The following QRFPR variants were observed in gnomAD, a reference collection of about 807,000 sequenced individuals.
The protein encoded by QRFPR is pyroglutamylated RF-amide peptide receptor.
QRFPR carries 37 observed loss-of-function variants against 31.3 expected under a neutral mutation model. The observed-to-expected ratio is 1.18, with a 90% CI of 0.91 to 1.56. QRFPR has a LOEUF of 1.56. Among genes scored for constraint, QRFPR ranks in the 40% most tolerant of loss-of-function variants. The pLI is 0.00. For missense variants in QRFPR, 542 were observed against 532.5 expected (o/e 1.02, Z -0.18); for synonymous variants, 197 against 192.0 (o/e 1.03, Z -0.22).
In QRFPR at chr4:121,342,117, C is replaced by G. The variant is rs181907511; in HGVS notation, c.341-1507G>C. On this transcript the variant is annotated intron_variant, in intron 1 of 5. Coordinates refer to ENST00000394427, the MANE Select transcript of QRFPR (RefSeq NM_198179.3). ...CTAGTGTGGTTGGGCAGCGTCCAAT[C>G]CACTGAAGGCGCGAATAGAACACAA... 1.2e-4 allele frequency among the ~76,000 whole-genome samples: 19 copies of G among 152,302 alleles called. No individual in the cohort carries two copies. The East Asian group carries it at 3.5e-3, about 28-fold the overall frequency.
At chr4:121,355,515 C>T (rs1468947383) in intron 1 of QRFPR, among the ~76,000 whole-genome samples, 1 of 151,862 alleles carries the variant, frequency 6.6e-6, no homozygotes, top group Non-Finnish European at 1.5e-5. Context: ...AACAACTTTT[C>T]CTTTCATTGA....
At chr4:121,331,082 A>G (rs1054028931) in intron 4 of QRFPR, among the ~76,000 whole-genome samples, 1 of 151,738 alleles carries the variant, frequency 6.6e-6, no homozygotes, top group Admixed American at 6.6e-5. Flanking sequence ...CCTAGGCAAC[A>G]TGGCAAAAAC....
At chr4:121,335,104 C>T (rs1267232546) in intron 3 of QRFPR, among the ~76,000 whole-genome samples, 1 of 152,136 alleles carries the variant, frequency 6.6e-6, no homozygotes, top group Non-Finnish European at 1.5e-5. Flanking sequence ...ATCTATTTGA[C>T]AGTGAGGACT....
chr4:121,380,275 AGAAGGAGC>A (rs758943484), intron 1 of QRFPR, 25 bp downstream of exon 1: 50 of 1,518,386 alleles, frequency 3.3e-5, no homozygotes, highest in Non-Finnish European at 4.4e-5. Flanking sequence ...GGGTTAAGAG[AGAAGGAGC>A]GAAGGAGCGG....
chr4:121,347,721 T>G (rs62319040), intron 1 of QRFPR, among the ~76,000 whole-genome samples: 43,029 of 151,936 alleles, frequency 0.28, 6,505 homozygotes, highest in Middle Eastern at 0.38. Flanking sequence ...CTTTTATCTA[T>G]AACTTTACAT....
At chr4:121,358,677 T>C (rs1279168458) in intron 1 of QRFPR, among the ~76,000 whole-genome samples, 3 of 152,224 alleles carry the variant, frequency 2.0e-5, no homozygotes, top group Non-Finnish European at 4.4e-5. Context: ...TTGTGGTGTT[T>C]TGCAACAGCA....
At chr4:121,341,957 C>T (rs1725550960) in intron 1 of QRFPR, among the ~76,000 whole-genome samples, 1 of 152,278 alleles carries the variant, frequency 6.6e-6, no homozygotes. Flanking sequence ...TGATGGTTAA[C>T]TCTATGTGTC....
In QRFPR at chr4:121,340,514, C is replaced by A. The variant is rs200911686; in HGVS notation, c.437G>T (p.Gly146Val). Residue 146 changes from glycine to valine, a missense_variant, in exon 2 of 6, where the codon GGA becomes GTA. Gly to Val is a moderately radical substitution (Grantham distance 109). Coordinates refer to ENST00000394427, the MANE Select transcript of QRFPR (RefSeq NM_198179.3). ...MTCIAVERHQGLVHPFKMKWQ... is the reference protein window; with the variant it reads ...MTCIAVERHQVLVHPFKMKWQ... ...CTTCATTTTAAAAGGATGCACAAGT[C>A]CCTGGTGCCTTTCCACAGCAATGCA... The A allele has an allele frequency of 3.1e-5, 50 of 1,614,008 alleles. No individual in the cohort carries two copies. The highest frequency in any genetic ancestry group is 4.1e-5 in the Non-Finnish European group (48 of 1,179,942).
chr4:121,376,196 A>G (rs1425163096), intron 1 of QRFPR, among the ~76,000 whole-genome samples: 2 of 152,184 alleles, frequency 1.3e-5, no homozygotes, highest in African/African-American at 4.8e-5. Flanking sequence ...AACATGTGCC[A>G]TTTATAATAT....
intron 1 of QRFPR, among the ~76,000 whole-genome samples, chr4:121,360,278 C>A (rs1429725531): frequency 6.6e-6 from 1 of 152,198 alleles, no homozygotes; most frequent in Admixed American, 6.5e-5. Flanking sequence ...CACCTACATA[C>A]AGACATTACA....
intron 1 of QRFPR, among the ~76,000 whole-genome samples, chr4:121,358,229 A>C (rs1446558221): frequency 1.3e-5 from 2 of 152,244 alleles, no homozygotes; most frequent in Non-Finnish European, 2.9e-5. Context: ...GCTTATTGTC[A>C]ACATTATAAG....
At chr4:121,368,087 C>A (rs1400667272) in intron 1 of QRFPR, among the ~76,000 whole-genome samples, 1 of 149,816 alleles carries the variant, frequency 6.7e-6, no homozygotes, top group African/African-American at 2.5e-5. Context: ...AACTTGTACA[C>A]AGTGAGGAGA....
chr4:121,344,497 T>C (rs2110471885), intron 1 of QRFPR, among the ~76,000 whole-genome samples: 1 of 152,316 alleles, frequency 6.6e-6, no homozygotes, highest in Non-Finnish European at 1.5e-5. Flanking sequence ...AAGAAATTAC[T>C]GAGAGTGTTT....
At chr4:121,352,072 G>A (rs1725771021) in intron 1 of QRFPR, among the ~76,000 whole-genome samples, 1 of 152,064 alleles carries the variant, frequency 6.6e-6, no homozygotes, top group Non-Finnish European at 1.5e-5. Flanking sequence ...ATGCACTGAT[G>A]TGATCATCAT....
At chr4:121,374,338 T>C (rs1726310749) in intron 1 of QRFPR, among the ~76,000 whole-genome samples, 1 of 152,226 alleles carries the variant, frequency 6.6e-6, no homozygotes, top group African/African-American at 2.4e-5. Context: ...ATAATAGCTA[T>C]ATTGAGCTGG....
chr4:121,329,780 G>A, intron 5 of QRFPR, 66 bp from the exon 6 acceptor site: 1 of 1,147,486 alleles, frequency 8.7e-7, no homozygotes, highest in Non-Finnish European at 1.2e-6. Context: ...ACTTCTGTTT[G>A]TCACCTGTCA....
chr4:121,339,111 CA>C (rs1234715315), intron 2 of QRFPR, among the ~76,000 whole-genome samples: 2 of 152,212 alleles, frequency 1.3e-5, no homozygotes, highest in Non-Finnish European at 2.9e-5. Context: ...ATGACTTTGG[CA>C]TTGCAAAGCC....
Position 121,332,820 on chromosome 4 carries a change from CCTG to C in QRFPR, c.795_797del (p.Arg266del). 1.2e-6 allele frequency: 2 copies of C among 1,603,562 alleles called. No individual in the cohort carries two copies. The highest frequency in any genetic ancestry group is 1.7e-6 in the Non-Finnish European group (2 of 1,170,514). On this transcript the variant is annotated inframe_deletion and splice_region_variant, in exon 4 of 6. Transcript: ENST00000394427. Reference sequence around the variant, plus strand: ...AGAGGTGAATATTTCATTAAACAGACCTGGCTATTTTGGACATTTCTTTTCCAT... The same window carrying C: ...AGAGGTGAATATTTCATTAAACAGACGCTATTTTGGACATTTCTTTTCCAT...
intron 1 of QRFPR, among the ~76,000 whole-genome samples, chr4:121,362,221 G>A (rs1726007147): frequency 6.7e-6 from 1 of 150,096 alleles, no homozygotes; most frequent in South Asian, 2.1e-4. Flanking sequence ...CACAGAGTCA[G>A]CTTCCCATCT....
Sources: allele counts gnomAD v4.1 joint callset (sites outside exome capture counted in the v4.1 genomes callset), GRCh38; gene constraint gnomAD v4.1.1; transcripts MANE v1.5; gene names NCBI Gene and HGNC (gene_info 2026-07-23, HGNC 2026-07-21).